The following HS3ST5 variants were observed in gnomAD, a reference collection of about 807,000 sequenced individuals.
HS3ST5 encodes heparan sulfate-glucosamine 3-sulfotransferase 5, also known as heparan sulfate glucosamine 3-O-sulfotransferase 5.
HS3ST5 carries 10 observed loss-of-function variants against 25.4 expected under a neutral mutation model. The observed-to-expected ratio is 0.39, with a 90% CI of 0.24 to 0.67. The LOEUF is 0.67. Ranked by LOEUF, HS3ST5 falls within the 30% of genes least tolerant of loss-of-function variation. The pLI is 0.44. For missense variants in HS3ST5, 324 were observed against 420.7 expected (o/e 0.77, Z 2.01); for synonymous variants, 170 against 162.4 (o/e 1.05, Z -0.36).
rs5879253 is a variant in HS3ST5, at chr6:114,230,596, C to CTT, written c.-338-1820_-338-1819dup. On this transcript the variant is annotated intron_variant, in intron 1 of 4. Transcript: ENST00000312719. Reference sequence around the variant, plus strand: ...TATGTTCTGTAATTGCCTTAAGACTCTTTTTTTTTTTTTTTGAGACAGAGT... The same window carrying CTT: ...TATGTTCTGTAATTGCCTTAAGACTCTTTTTTTTTTTTTTTTTGAGACAGAGT... Among the ~76,000 whole-genome samples the CTT allele has an allele frequency of 8.6e-3, 1,183 of 136,862 alleles. 22 individuals are homozygous for CTT. The highest frequency in any genetic ancestry group is 0.021 in the African/African-American group (779 of 36,820). 89.8% of individuals were successfully genotyped at this position (136,862 alleles called of 152,430 possible). A position where few individuals can be genotyped will look rare whatever the true frequency, so the allele number is the denominator to read the frequency against.
chr6:114,084,900 C>T (rs1774712558), intron 3 of HS3ST5: 4 of 507,810 alleles, frequency 7.9e-6, no homozygotes, highest in African/African-American at 2.1e-5. Flanking sequence ...GGTGTGATCT[C>T]GGCTCACTGC....
intron 1 of HS3ST5, among the ~76,000 whole-genome samples, chr6:114,320,940 A>ATATAT (rs5879259): frequency 6.8e-6 from 1 of 147,584 alleles, no homozygotes; most frequent in African/African-American, 2.5e-5. Context: ...ATACATATAT[A>ATATAT]ATATATAAAG....
intron 2 of HS3ST5, among the ~76,000 whole-genome samples, chr6:114,221,320 TA>T (rs976877852): frequency 4.6e-5 from 7 of 151,930 alleles, no homozygotes; most frequent in African/African-American, 1.4e-4. Context: ...TATAGGTGAT[TA>T]AAAAATACAT....
intron 1 of HS3ST5, among the ~76,000 whole-genome samples, chr6:114,311,597 C>G (rs1484095744): frequency 1.7e-5 from 2 of 115,700 alleles, no homozygotes; most frequent in Non-Finnish European, 3.2e-5. Context: ...GGCTGGAGTG[C>G]TATGGCACAA....
chr6:114,235,806 C>T (rs934344801), intron 1 of HS3ST5: 23 of 152,222 alleles, frequency 1.5e-4, no homozygotes, highest in African/African-American at 5.5e-4. Context: ...GATGATTCCA[C>T]AAATTTCCCT....
At chr6:114,183,749 C>T (rs889919094) in intron 2 of HS3ST5, among the ~76,000 whole-genome samples, 2 of 151,982 alleles carry the variant, frequency 1.3e-5, no homozygotes, top group African/African-American at 4.8e-5. Context: ...CTGATGAGTG[C>T]TCAGGAAGGA....
chr6:114,186,251 C>G (rs1457726857), intron 2 of HS3ST5, among the ~76,000 whole-genome samples: 3 of 151,900 alleles, frequency 2.0e-5, no homozygotes, highest in African/African-American at 7.3e-5. Context: ...ATGTCAAAAG[C>G]CAAGAGAGGT....
At chr6:114,118,385 T>G (rs757548881) in intron 3 of HS3ST5, among the ~76,000 whole-genome samples, 5 of 152,220 alleles carry the variant, frequency 3.3e-5, no homozygotes, top group Non-Finnish European at 7.3e-5. Context: ...GTGTTTTGTC[T>G]TTAAGAGTCT....
chr6:114,223,663 G>A (rs78298560), intron 2 of HS3ST5, among the ~76,000 whole-genome samples: 21 of 151,642 alleles, frequency 1.4e-4, no homozygotes, highest in Non-Finnish European at 2.8e-4. Flanking sequence ...TTATGCATAC[G>A]TTTACAGCCT....
chr6:114,317,295 T>A (rs113288931), intron 1 of HS3ST5, among the ~76,000 whole-genome samples: 358 of 152,298 alleles, frequency 2.4e-3, no homozygotes, highest in African/African-American at 6.5e-3. Flanking sequence ...ATTTCTCACA[T>A]TCTCATGTAG....
In HS3ST5 at chr6:114,342,590, C is replaced by T. The variant is rs2114956396; in HGVS notation, c.-734G>A. 6.5e-6 allele frequency: 1 copy of T among 154,198 alleles called. No individual in the cohort carries two copies. Among genetic ancestry groups the T allele is most frequent in the East Asian group, 1.9e-4 (1 of 5,172 alleles). 9.6% of individuals were successfully genotyped at this position (154,198 alleles called of 1,614,324 possible). A position where few individuals can be genotyped will look rare whatever the true frequency, so the allele number is the denominator to read the frequency against. On this transcript the variant is annotated 5_prime_UTR_variant, in exon 1 of 5. Transcript: ENST00000312719. ...GTGGCGCGGGCACGGCACGGGCGGCCGCAGGAGCCGGAGTCCGCGCAGTGC... is the reference window on the plus strand; with the variant it reads ...GTGGCGCGGGCACGGCACGGGCGGCTGCAGGAGCCGGAGTCCGCGCAGTGC...
At chr6:114,156,905 T>C (rs536406640) in intron 3 of HS3ST5, among the ~76,000 whole-genome samples, 2 of 152,358 alleles carry the variant, frequency 1.3e-5, no homozygotes, top group East Asian at 1.9e-4. Context: ...CTCCAAGCTC[T>C]GCTTAAGCAA....
intron 2 of HS3ST5, among the ~76,000 whole-genome samples, chr6:114,180,861 T>C (rs559001882): frequency 1.3e-5 from 2 of 152,322 alleles, no homozygotes; most frequent in African/African-American, 2.4e-5. Flanking sequence ...ATTCAGTTCA[T>C]AGCAGGTATC....
intron 3 of HS3ST5, among the ~76,000 whole-genome samples, chr6:114,107,326 A>C (rs901860626): frequency 6.6e-6 from 1 of 152,212 alleles, no homozygotes; most frequent in African/African-American, 2.4e-5. Context: ...AAAGCATCTG[A>C]GAAAATCCAA....
chr6:114,168,341 G>C lies in HS3ST5; in HGVS notation c.-33+10C>G, dbSNP rs1322875183. 1.3e-5 allele frequency: 2 copies of C among 152,116 alleles called. No individual in the cohort carries two copies. Among genetic ancestry groups the C allele is most frequent in the Non-Finnish European group, 2.9e-5 (2 of 68,040 alleles). The allele number at this position is 152,116 out of a possible 1,614,324, so 9.4% of individuals were successfully genotyped here. On this transcript the variant is annotated intron_variant, in intron 3 of 4. Coordinates refer to ENST00000312719, the MANE Select transcript of HS3ST5 (RefSeq NM_153612.4). Reference sequence around the variant, plus strand: ...CTGCGAGAGCACGTAGAAGTCTTCGGCACACATACCTACATTCAGACAGGT... The same window carrying C: ...CTGCGAGAGCACGTAGAAGTCTTCGCCACACATACCTACATTCAGACAGGT...
At chr6:114,258,349 C>T (rs1773024088) in intron 1 of HS3ST5, among the ~76,000 whole-genome samples, 1 of 152,114 alleles carries the variant, frequency 6.6e-6, no homozygotes, top group Non-Finnish European at 1.5e-5. Context: ...CATAAATCTA[C>T]ATTTAGATTG....
At chr6:114,332,882 G>T (rs1481225320) in intron 1 of HS3ST5, among the ~76,000 whole-genome samples, 1 of 152,058 alleles carries the variant, frequency 6.6e-6, no homozygotes, top group Admixed American at 6.5e-5. Flanking sequence ...AGGGAGCATG[G>T]TCCATTCCTT....
intron 1 of HS3ST5, chr6:114,238,854 TGC>T (rs1199487963): frequency 1.3e-5 from 2 of 152,230 alleles, no homozygotes; most frequent in African/African-American, 4.8e-5. Flanking sequence ...TTCAACTCCA[TGC>T]TCTGCCAGTG....
chr6:114,188,128 G>A (rs1034493917), intron 2 of HS3ST5, among the ~76,000 whole-genome samples: 4 of 152,076 alleles, frequency 2.6e-5, no homozygotes, highest in Admixed American at 2.6e-4. Context: ...TCCGAGGTAC[G>A]CCTGTACTTT....
Sources: allele counts gnomAD v4.1 joint callset (sites outside exome capture counted in the v4.1 genomes callset), GRCh38; gene constraint gnomAD v4.1.1; transcripts MANE v1.5; gene names NCBI Gene and HGNC (gene_info 2026-07-23, HGNC 2026-07-21).